The following NKAIN3 variants were observed in gnomAD, a reference collection of about 807,000 sequenced individuals.
NKAIN3 encodes the protein sodium/potassium-transporting ATPase subunit beta-1-interacting protein 3.
NKAIN3 carries 25 observed loss-of-function variants against 30.2 expected under a neutral mutation model. The ratio of observed to expected loss-of-function variants is 0.83; its 90% CI spans 0.60 to 1.16. The LOEUF (loss-of-function observed/expected upper bound fraction) is 1.16, where lower values mean the gene tolerates loss of function less well. Among genes scored for constraint, NKAIN3 ranks in the 50% most tolerant of loss-of-function variants. NKAIN3 has a pLI of 0.00. For synonymous variants in NKAIN3, 91 were observed against 89.6 expected, an observed-to-expected ratio of 1.02 and a Z score of -0.09; for missense variants, 225 against 254.1, an observed-to-expected ratio of 0.89 and a Z score of 0.78.
At chr8:62,615,944 C>G (rs1811440429) in intron 3 of NKAIN3, among the ~76,000 whole-genome samples, 1 of 152,038 alleles carries the variant, frequency 6.6e-6, no homozygotes, top group Non-Finnish European at 1.5e-5. Context: ...GATTGCTCGC[C>G]TGATTTTTGA....
At chr8:62,524,367 G>A (rs1312402807) in intron 1 of NKAIN3, among the ~76,000 whole-genome samples, 4 of 152,042 alleles carry the variant, frequency 2.6e-5, no homozygotes, top group Non-Finnish European at 5.9e-5. Context: ...TTCCACTACA[G>A]AGATTTATGC....
At chr8:62,779,309 G>A (rs2101044) in intron 4 of NKAIN3, among the ~76,000 whole-genome samples, 1 of 152,078 alleles carries the variant, frequency 6.6e-6, no homozygotes, top group African/African-American at 2.4e-5. Flanking sequence ...CTTATGCTTA[G>A]CCTGCTTCTT....
intron 1 of NKAIN3, among the ~76,000 whole-genome samples, chr8:62,309,048 G>A (rs1025043273): frequency 1.3e-5 from 2 of 150,366 alleles, no homozygotes; most frequent in Non-Finnish European, 2.9e-5. Context: ...GTCCTGTGTT[G>A]TATTTAAAGA....
At chr8:62,763,139 T>C (rs1231548775) in intron 4 of NKAIN3, among the ~76,000 whole-genome samples, 2 of 137,996 alleles carry the variant, frequency 1.4e-5, no homozygotes, top group Non-Finnish European at 3.0e-5. Context: ...GAGAATGGCG[T>C]GAACCCAGGA....
At chr8:62,857,535 T>C (rs1010987631) in intron 4 of NKAIN3, among the ~76,000 whole-genome samples, 4 of 152,234 alleles carry the variant, frequency 2.6e-5, no homozygotes, top group African/African-American at 9.6e-5. Flanking sequence ...TTGGAGGTTT[T>C]GTTCATTCCT....
At chr8:62,841,702 T>C (rs1819535269) in intron 4 of NKAIN3, among the ~76,000 whole-genome samples, 1 of 152,188 alleles carries the variant, frequency 6.6e-6, no homozygotes, top group Admixed American at 6.5e-5. Context: ...TACTCTATTT[T>C]CTTTATCCAA....
At chr8:62,948,237 T>C (rs1823181832) in intron 5 of NKAIN3, among the ~76,000 whole-genome samples, 1 of 151,926 alleles carries the variant, frequency 6.6e-6, no homozygotes, top group Admixed American at 6.6e-5. Context: ...TCTCACTCTG[T>C]CGCCCAGGCT....
At chr8:62,384,317 G>A (rs1302304231) in intron 1 of NKAIN3, among the ~76,000 whole-genome samples, 1 of 152,074 alleles carries the variant, frequency 6.6e-6, no homozygotes, top group African/African-American at 2.4e-5. Context: ...ATTTAACATT[G>A]CATGTTTACA....
At chr8:62,866,677 C>T (rs1820424871) in intron 4 of NKAIN3, among the ~76,000 whole-genome samples, 1 of 152,074 alleles carries the variant, frequency 6.6e-6, no homozygotes. Context: ...TATGCCTTTG[C>T]AATAACTAGA....
chr8:62,413,329 A>T (rs1284367408), intron 1 of NKAIN3, among the ~76,000 whole-genome samples: 1 of 152,158 alleles, frequency 6.6e-6, no homozygotes, highest in Non-Finnish European at 1.5e-5. Context: ...ACATGTCTGG[A>T]GTGTGGTATA....
At chr8:62,742,906 C>A (rs1236386761) in intron 3 of NKAIN3, among the ~76,000 whole-genome samples, 1 of 152,154 alleles carries the variant, frequency 6.6e-6, no homozygotes, top group Non-Finnish European at 1.5e-5. Context: ...GAAGGGGAAG[C>A]AAGCTCATCC....
chr8:62,464,767 G>T (rs1003021769), intron 1 of NKAIN3, among the ~76,000 whole-genome samples: 1 of 152,136 alleles, frequency 6.6e-6, no homozygotes, highest in Non-Finnish European at 1.5e-5. Flanking sequence ...GTTAAAAGTA[G>T]AATCTTTCTT....
chr8:62,384,131 A>G (rs1817356572), intron 1 of NKAIN3, among the ~76,000 whole-genome samples: 1 of 152,178 alleles, frequency 6.6e-6, no homozygotes, highest in Admixed American at 6.5e-5. Flanking sequence ...AAACTATGGG[A>G]CATCACTTTT....
At chr8:62,721,490 C>T (rs1815091211) in intron 3 of NKAIN3, among the ~76,000 whole-genome samples, 1 of 152,132 alleles carries the variant, frequency 6.6e-6, no homozygotes. Flanking sequence ...TTCCTCTTAA[C>T]GATGAGACTA....
At chr8:62,407,652 C>T (rs191109409) in intron 1 of NKAIN3, among the ~76,000 whole-genome samples, 4 of 152,212 alleles carry the variant, frequency 2.6e-5, no homozygotes, top group Non-Finnish European at 4.4e-5. Flanking sequence ...AGGATGGTCT[C>T]GATCTCTTGA....
chr8:62,899,589 G>A (rs1387035974), intron 4 of NKAIN3, among the ~76,000 whole-genome samples: 3 of 152,094 alleles, frequency 2.0e-5, no homozygotes, highest in Admixed American at 2.0e-4. Flanking sequence ...GGCTGGGAAG[G>A]GTAGCGGGAG....
At chr8:62,292,112 A>C (rs966866508) in intron 1 of NKAIN3, among the ~76,000 whole-genome samples, 1 of 151,266 alleles carries the variant, frequency 6.6e-6, no homozygotes, top group Admixed American at 6.6e-5. Flanking sequence ...CCATCCCTTT[A>C]TTTTGAGCCT....
At chr8:62,325,090 T>C (rs1230156392) in intron 1 of NKAIN3, among the ~76,000 whole-genome samples, 1 of 152,118 alleles carries the variant, frequency 6.6e-6, no homozygotes, top group Non-Finnish European at 1.5e-5. Context: ...ACCCAAACCA[T>C]GTACACTGTA....
chr8:62,819,132 G>GTT (rs150889823), intron 4 of NKAIN3, among the ~76,000 whole-genome samples: 38,560 of 119,006 alleles, frequency 0.32, 5,295 homozygotes, highest in East Asian at 0.4. Flanking sequence ...CAGAATTATC[G>GTT]TTATATATAT....
Sources: gnomAD v4.1 joint callset for allele counts (sites outside exome capture counted in the v4.1 genomes callset) on GRCh38, gnomAD v4.1.1 for gene constraint, MANE v1.5 for transcripts, NCBI Gene and HGNC (gene_info 2026-07-23, HGNC 2026-07-21) for gene names.